POC1B: variants seen among roughly 807,000 people sequenced by gnomAD.
POC1B encodes the protein POC1 centriolar protein homolog B.
POC1B carries 44 observed loss-of-function variants against 60.6 expected under a neutral mutation model. That is an observed-to-expected ratio of 0.73 (90% CI 0.57 to 0.93). The LOEUF is 0.93. Ranked by LOEUF, POC1B falls within the 40% of genes least tolerant of loss-of-function variation. POC1B has a pLI of 0.00. For synonymous variants in POC1B, 180 were observed against 198.9 expected (o/e 0.90, Z 0.80); for missense variants, 555 against 572.3 (o/e 0.97, Z 0.31).
chr12:89,435,789 T>C (rs1350429589), intron 10 of POC1B, among the ~76,000 whole-genome samples: 1 of 152,144 alleles, frequency 6.6e-6, no homozygotes. Context: ...ATACTTTTCA[T>C]AGATGCCATG....
At chr12:89,434,233 T>C (rs571806647) in intron 10 of POC1B, among the ~76,000 whole-genome samples, 28 of 152,334 alleles carry the variant, frequency 1.8e-4, no homozygotes, top group African/African-American at 6.3e-4. Flanking sequence ...TAAGATTTTA[T>C]AGAGGACTTT....
rs1340101937 is a variant in POC1B, at chr12:89,502,323, C to T, written c.101-4981G>A. ...TGCCCTCCAACACACCAAATGTTCG[C>T]AGGACCAAGAGAACACGTTTGAAAC... On this transcript the variant is annotated intron_variant, in intron 2 of 11. Transcript: ENST00000313546. The T allele has an allele frequency of 9.3e-6, 15 of 1,611,142 alleles. No individual in the cohort carries two copies. The South Asian group carries it at 1.7e-4, about 18-fold the overall frequency.
chr12:89,500,252 A>G, intron 2 of POC1B: 13 of 1,558,648 alleles, frequency 8.3e-6, no homozygotes, highest in South Asian at 1.1e-5. Context: ...TTTTAGCACA[A>G]ATTCTACAAA....
At chr12:89,406,807 T>C in the POC1B span, among the ~76,000 whole-genome samples, 1 of 151,700 alleles carries the variant, frequency 6.6e-6, no homozygotes, top group Non-Finnish European at 1.5e-5. Flanking sequence ...ATATATAATA[T>C]GTGATATATA....
At chr12:89,423,389 C>T (rs555187622) in intron 11 of POC1B, among the ~76,000 whole-genome samples, 4 of 152,214 alleles carry the variant, frequency 2.6e-5, no homozygotes, top group East Asian at 3.9e-4. Context: ...CCTTCTGCCT[C>T]GGCTGCCCAA....
chr12:89,452,799 A>G (rs1427704507), intron 10 of POC1B, among the ~76,000 whole-genome samples: 1 of 152,194 alleles, frequency 6.6e-6, no homozygotes, highest in East Asian at 1.9e-4. Context: ...TGAAAAAAAA[A>G]TAAACCACGT....
chr12:89,492,223 T>TTACAAGAGTTA, intron 3 of POC1B, 108 bp from the exon 4 acceptor site: 1 of 929,732 alleles, frequency 1.1e-6, no homozygotes, highest in Non-Finnish European at 1.5e-6. Flanking sequence ...TAAAATGGTT[T>TTACAAGAGTTA]AACTCTTGTA....
intron 2 of POC1B, chr12:89,523,298 G>A (rs923480268): frequency 6.8e-6 from 11 of 1,613,856 alleles, no homozygotes; most frequent in African/African-American, 1.3e-5. Context: ...CATCTCAACC[G>A]CTCTCGTAGT....
At chr12:89,504,682 TAAG>T (rs1869813785) in intron 2 of POC1B, among the ~76,000 whole-genome samples, 1 of 151,002 alleles carries the variant, frequency 6.6e-6, no homozygotes, top group East Asian at 1.9e-4. Context: ...GTGCAAAAAT[TAAG>T]AAGTTTTGTT....
chr12:89,459,872 T>C (rs977234527), intron 9 of POC1B, 154 bp from the exon 10 acceptor site: 4 of 485,436 alleles, frequency 8.2e-6, no homozygotes, highest in Non-Finnish European at 1.5e-5. Context: ...TTAAGCTAAA[T>C]GTTAGCCTAC....
Position 89,491,984 on chromosome 12 carries a change from C to T in POC1B, c.404G>A (p.Arg135His), listed in dbSNP as rs149976035. 1.8e-5 allele frequency: 28 copies of T among 1,595,586 alleles called. No homozygotes were observed. The highest frequency in any genetic ancestry group is 1.7e-4 in the Middle Eastern group (1 of 5,990). The change falls in exon 4 of 12, where the codon CGC becomes CAC. Residue 135 changes from arginine to histidine, a missense_variant. Physicochemically the swap from Arg to His is conservative, Grantham distance 29 (BLOSUM62 0). Coordinates refer to ENST00000313546, the MANE Select transcript of POC1B (RefSeq NM_172240.3). The stretch of plus-strand genomic sequence containing the variant: ...ATGTCGATACAAGGAATACAGGAAG[C>T]GCTGGCGATACATGCTCCATACTTT... ...SIKVWSMYRQ[R>H]FLYSLYRHTH... is the part of the protein sequence containing the mutation.
At chr12:89,440,257 T>C (rs1881455654) in intron 10 of POC1B, among the ~76,000 whole-genome samples, 1 of 152,200 alleles carries the variant, frequency 6.6e-6, no homozygotes, top group South Asian at 2.1e-4. Context: ...CTTCCACTCA[T>C]TTGGGGTCTG....
chr12:89,525,272 G>A (rs1321251238), intron 1 of POC1B, 68 bp from the exon 2 acceptor site: 2 of 1,540,796 alleles, frequency 1.3e-6, no homozygotes, highest in East Asian at 4.7e-5. Flanking sequence ...TGGGATCCAC[G>A]CTGCCACTTC....
At chr12:89,483,236 T>C (rs1467891757) in intron 4 of POC1B, among the ~76,000 whole-genome samples, 1 of 152,188 alleles carries the variant, frequency 6.6e-6, no homozygotes, top group Non-Finnish European at 1.5e-5. Context: ...GTTCTCACGA[T>C]ATTCGATAGT....
At chr12:89,492,832 C>A (rs769822381) in intron 3 of POC1B, among the ~76,000 whole-genome samples, 9 of 152,052 alleles carry the variant, frequency 5.9e-5, no homozygotes, top group Non-Finnish European at 5.9e-5. Context: ...CTGAATCCTC[C>A]TCTTCTATGT....
intron 11 of POC1B, among the ~76,000 whole-genome samples, chr12:89,423,018 T>G: frequency 6.6e-6 from 1 of 152,176 alleles, no homozygotes; most frequent in East Asian, 1.9e-4. Flanking sequence ...TACACACTTT[T>G]TTTTGAGACA....
intron 4 of POC1B, among the ~76,000 whole-genome samples, chr12:89,482,181 GCAAA>G (rs1868385993): frequency 6.6e-6 from 1 of 152,138 alleles, no homozygotes; most frequent in Non-Finnish European, 1.5e-5. Context: ...GGCATCATGG[GCAAA>G]CCAATGGAGA....
At chr12:89,522,921 G>A in intron 2 of POC1B, 1 of 1,614,030 alleles carries the variant, frequency 6.2e-7, no homozygotes, top group Non-Finnish European at 8.5e-7. Context: ...ACAGTCCTGA[G>A]TGTGGGTGAA....
chr12:89,471,478 AT>A, intron 6 of POC1B, 135 bp downstream of exon 6: 1 of 609,796 alleles, frequency 1.6e-6, no homozygotes, highest in African/African-American at 2.0e-5. Flanking sequence ...ATGGGAGCTA[AT>A]TATACTATTC....
Sources: allele counts gnomAD v4.1 joint callset (sites outside exome capture counted in the v4.1 genomes callset), GRCh38; gene constraint gnomAD v4.1.1; transcripts MANE v1.5; gene names NCBI Gene and HGNC (gene_info 2026-07-23, HGNC 2026-07-21).